The following PRKG1 variants were observed in gnomAD, a reference collection of about 807,000 sequenced individuals.
PRKG1 encodes the protein protein kinase cGMP-dependent 1.
Under a neutral mutation model 88.1 loss-of-function variants are expected in PRKG1, and 35 were observed. The observed-to-expected ratio is 0.40, with a 90% CI of 0.30 to 0.53. PRKG1 has a LOEUF of 0.53. Among genes scored for constraint, PRKG1 ranks in the 20% least tolerant of loss-of-function variants. The pLI is 0.59. For synonymous variants in PRKG1, 303 were observed against 292.5 expected, an observed-to-expected ratio of 1.04 and a Z score of -0.37; for missense variants, 540 against 839.8, an observed-to-expected ratio of 0.64 and a Z score of 4.41.
chr10:51,396,319 T>C (rs1464209776), intron 2 of PRKG1, among the ~76,000 whole-genome samples: 2 of 152,084 alleles, frequency 1.3e-5, no homozygotes, highest in Non-Finnish European at 2.9e-5. Flanking sequence ...GAGGATTACT[T>C]GAGACCAGGC....
chr10:51,410,270 A>ATATG (rs1554805784), intron 2 of PRKG1, among the ~76,000 whole-genome samples: 4,441 of 146,724 alleles, frequency 0.03, 154 homozygotes, highest in African/African-American at 0.077. Flanking sequence ...ATATATATAT[A>ATATG]TGTGTGTGTG....
At chr10:51,717,452 G>A (rs1392495978) in intron 3 of PRKG1, among the ~76,000 whole-genome samples, 1 of 152,130 alleles carries the variant, frequency 6.6e-6, no homozygotes, top group Non-Finnish European at 1.5e-5. Context: ...ATGTAAAGGT[G>A]GCTTTGTGCT....
chr10:51,015,481 T>C (rs1226668147), intron 1 of PRKG1, among the ~76,000 whole-genome samples: 1 of 152,252 alleles, frequency 6.6e-6, no homozygotes. Context: ...TTTTACATCA[T>C]TGTAGCTCAG....
At chr10:52,188,250 G>GTGTATATATATA (rs1414941991) in intron 9 of PRKG1, among the ~76,000 whole-genome samples, 100 of 46,746 alleles carry the variant, frequency 2.1e-3, no homozygotes, top group African/African-American at 3.8e-3. Context: ...ACATATATAT[G>GTGTATATATATA]TGTATATATA....
At chr10:52,265,745 TTATGCAGACATCAGCTA>T (rs979559206) in intron 10 of PRKG1, among the ~76,000 whole-genome samples, 4 of 152,090 alleles carry the variant, frequency 2.6e-5, no homozygotes, top group African/African-American at 9.7e-5. Flanking sequence ...CAGGCCAGTA[TTATGCAGACATCAGCTA>T]TAGCCAGATA....
intron 7 of PRKG1, among the ~76,000 whole-genome samples, chr10:52,115,239 G>GCT (rs1554805945): frequency 6.6e-6 from 1 of 150,956 alleles, no homozygotes. Flanking sequence ...TGGTAATCCT[G>GCT]TTTTTTTTTA....
intron 3 of PRKG1, among the ~76,000 whole-genome samples, chr10:51,668,788 A>C (rs753704189): frequency 4.6e-5 from 7 of 152,200 alleles, no homozygotes; most frequent in Non-Finnish European, 1.0e-4. Flanking sequence ...ATCTCCTCAA[A>C]TGATCCTGAC....
At chr10:51,346,577 A>G (rs560825720) in intron 2 of PRKG1, among the ~76,000 whole-genome samples, 20 of 152,336 alleles carry the variant, frequency 1.3e-4, no homozygotes, top group African/African-American at 4.6e-4. Context: ...TTTGAGGGCC[A>G]TATAGGCATA....
At chr10:52,133,013 CA>C (rs1472018912) in intron 7 of PRKG1, among the ~76,000 whole-genome samples, 1 of 144,766 alleles carries the variant, frequency 6.9e-6, no homozygotes, top group Non-Finnish European at 1.5e-5. Flanking sequence ...CTATCGTCAT[CA>C]TATTGTACTA....
At chr10:51,086,716 G>C (rs1473813502) in intron 1 of PRKG1, among the ~76,000 whole-genome samples, 1 of 152,154 alleles carries the variant, frequency 6.6e-6, no homozygotes, top group African/African-American at 2.4e-5. Flanking sequence ...CAGATTACTA[G>C]CTCCTTTATC....
At chr10:51,234,980 A>C (rs1838945138) in intron 2 of PRKG1, among the ~76,000 whole-genome samples, 1 of 152,156 alleles carries the variant, frequency 6.6e-6, no homozygotes, top group Non-Finnish European at 1.5e-5. Context: ...TAAAATCATT[A>C]ATGTTTTTGA....
intron 7 of PRKG1, among the ~76,000 whole-genome samples, chr10:52,114,350 G>A (rs191090627): frequency 7.8e-4 from 118 of 152,034 alleles, no homozygotes; most frequent in African/African-American, 2.6e-3. Context: ...CAATTTCTTC[G>A]TCTATTGGGG....
At chr10:51,618,956 TA>T (rs1238944297) in intron 3 of PRKG1, among the ~76,000 whole-genome samples, 2 of 149,508 alleles carry the variant, frequency 1.3e-5, no homozygotes, top group East Asian at 4.0e-4. Context: ...TTTTTTTTTT[TA>T]GTAGGGACAG....
chr10:51,253,819 T>G (rs1326648468), intron 2 of PRKG1, among the ~76,000 whole-genome samples: 3 of 152,004 alleles, frequency 2.0e-5, no homozygotes, highest in Non-Finnish European at 4.4e-5. Flanking sequence ...ATGTGTTGTG[T>G]CAAAGGAACG....
chr10:51,751,418 G>A (rs1007559567), intron 3 of PRKG1, among the ~76,000 whole-genome samples: 2 of 151,938 alleles, frequency 1.3e-5, no homozygotes, highest in African/African-American at 4.8e-5. Flanking sequence ...TAGTAGAGAC[G>A]GATTTCACCA....
chr10:51,594,861 G>T (rs1298868707), intron 3 of PRKG1, among the ~76,000 whole-genome samples: 1 of 152,176 alleles, frequency 6.6e-6, no homozygotes, highest in Non-Finnish European at 1.5e-5. Flanking sequence ...CTACAGGACT[G>T]CCTTGGTCTC....
chr10:51,772,569 A>G (rs1246276484), intron 3 of PRKG1, among the ~76,000 whole-genome samples: 3 of 152,060 alleles, frequency 2.0e-5, no homozygotes, highest in African/African-American at 7.2e-5. Context: ...AAAATTAGCC[A>G]TGGTTATTTC....
intron 7 of PRKG1, among the ~76,000 whole-genome samples, chr10:52,117,621 T>C (rs890027140): frequency 7.9e-5 from 12 of 152,240 alleles, no homozygotes; most frequent in African/African-American, 2.9e-4. Flanking sequence ...TTCTATTATT[T>C]TGTATATCTT....
intron 1 of PRKG1, among the ~76,000 whole-genome samples, chr10:51,103,144 A>AAT (rs1554836276): frequency 1.2e-4 from 18 of 151,560 alleles, no homozygotes; most frequent in Non-Finnish European, 1.5e-4. Context: ...TAAAAAAAAA[A>AAT]TAGTTAGAAA....
Sources: allele counts gnomAD v4.1 joint callset (sites outside exome capture counted in the v4.1 genomes callset), GRCh38; gene constraint gnomAD v4.1.1; transcripts MANE v1.5; gene names NCBI Gene and HGNC (gene_info 2026-07-23, HGNC 2026-07-21).